Variants in ZNF101 observed in about 807,000 individuals in gnomAD.
The protein encoded by ZNF101 is zinc finger protein 101, also known as zinc finger protein 101 (Y2).
ZNF101 carries 34 observed loss-of-function variants against 42.6 expected under a neutral mutation model. That is an observed-to-expected ratio of 0.80 (90% CI 0.61 to 1.06). The LOEUF (loss-of-function observed/expected upper bound fraction) is 1.06, where lower values mean the gene tolerates loss of function less well. ZNF101 is among the 50% of genes least tolerant of loss of function. The pLI, the probability that ZNF101 is intolerant of heterozygous loss-of-function variation, is 0.00. For missense variants in ZNF101, 466 were observed against 530.9 expected (o/e 0.88, Z 1.20); for synonymous variants, 158 against 183.9 (o/e 0.86, Z 1.14).
Position 19,677,756 on chromosome 19 carries a change from GGAGT to G in ZNF101, c.4-102_4-99del. ...AGGAGGAGGCCGATGACTCAATCAT[GGAGT>G]GAGTGTTTGGAGAGCCCGGCGTCAT... On this transcript the variant is annotated intron_variant, in intron 1 of 3. Transcript: ENST00000592502. 6.8e-6 allele frequency: 10 copies of G among 1,473,198 alleles called. 1 individual carries two copies. In the South Asian group the frequency reaches 7.5e-5, roughly 11 times the overall value. 91.3% of individuals were successfully genotyped at this position (1,473,198 alleles called of 1,614,324 possible).
chr19:19,674,423 G>A (rs1372407718), intron 1 of ZNF101, among the ~76,000 whole-genome samples: 2 of 152,074 alleles, frequency 1.3e-5, no homozygotes, highest in Non-Finnish European at 2.9e-5. Context: ...TGATCTACTC[G>A]CCTCGACCTC....
upstream of ZNF101, chr19:19,668,833 C>T (rs1323909607): frequency 5.8e-6 from 7 of 1,199,298 alleles, no homozygotes; most frequent in Admixed American, 5.5e-5. Context: ...TTCCCGCCGG[C>T]CCCCCATTCG....
Position 19,679,473 on chromosome 19 carries a change from A to C in ZNF101, c.484A>C (p.Thr162Pro), listed in dbSNP as rs758150904. Residue 162 changes from threonine to proline, a missense_variant, in exon 4 of 4, where the codon ACA (threonine) becomes CCA (proline). Physicochemically the swap from Thr to Pro is conservative, Grantham distance 38. Transcript: ENST00000592502. ...CAGTAGTGGTGCACGGCGCACAGTAACACCAACTCGAAAGAGACCTTATGA... is the reference window on the plus strand; with the variant it reads ...CAGTAGTGGTGCACGGCGCACAGTACCACCAACTCGAAAGAGACCTTATGA... ...SPSSGARRTV[T>P]PTRKRPYECK... 6.2e-7 allele frequency: 1 copy of C among 1,614,168 alleles called. No homozygotes were observed. The highest frequency in any genetic ancestry group is 1.1e-5 in the South Asian group (1 of 91,090).
chr19:19,673,600 T>C (rs1347432191), intron 1 of ZNF101, among the ~76,000 whole-genome samples: 1 of 152,004 alleles, frequency 6.6e-6, no homozygotes, highest in East Asian at 1.9e-4. Context: ...TCAATTTGTC[T>C]TTAATTTCAT....
chr19:19,677,880 A>C lies in ZNF101; in HGVS notation c.20A>C (p.Glu7Ala). 1.2e-6 allele frequency: 2 copies of C among 1,611,762 alleles called. No homozygotes were observed. Among genetic ancestry groups the C allele is most frequent in the Middle Eastern group, 1.7e-4 (1 of 6,050 alleles). MDSVAF[E>A]DVAVNFTQEE... is the part of the protein sequence containing the mutation. Reference sequence around the variant, plus strand: ...ATGTTTCAGGACTCAGTGGCCTTTGAGGATGTGGCTGTGAACTTCACCCAG... The same window carrying C: ...ATGTTTCAGGACTCAGTGGCCTTTGCGGATGTGGCTGTGAACTTCACCCAG... The change falls in exon 2 of 4, where the codon GAG (glutamate) becomes GCG (alanine). Residue 7 changes from glutamate (E) to alanine (A), a missense_variant. Coordinates refer to ENST00000592502, the MANE Select transcript of ZNF101 (RefSeq NM_033204.4).
At chr19:19,676,383 C>T (rs2062203105) in intron 1 of ZNF101, 1 of 152,004 alleles carries the variant, frequency 6.6e-6, no homozygotes, top group African/African-American at 2.4e-5. Context: ...TACATGCCTG[C>T]TCTGTTATTA....
intron 1 of ZNF101, among the ~76,000 whole-genome samples, chr19:19,674,665 A>C (rs112683845): frequency 3.3e-5 from 5 of 152,154 alleles, no homozygotes; most frequent in African/African-American, 1.2e-4. Context: ...TGTCAGCATA[A>C]TTTTGACCTC....
chr19:19,677,989 C>T lies in ZNF101; in HGVS notation c.129C>T (p.Val43=), dbSNP rs772913480. 34 of 1,609,398 alleles carry T rather than the reference C, an allele frequency of 2.1e-5. No homozygotes were observed. Among genetic ancestry groups the T allele is most frequent in the Middle Eastern group, 3.3e-4 (2 of 6,062 alleles). ...AAACCTTCAGGAACCTGGCCTCGGT[C>T]GGTAAGAAGGACATTTCCTTCCTTA... ...TLETFRNLAS[V]GIQWKDQDIE... Residue 43 remains valine (V), a splice_region_variant and synonymous_variant, in exon 2 of 4, where the codon GTC becomes GTT. Coordinates refer to ENST00000592502, the MANE Select transcript of ZNF101 (RefSeq NM_033204.4).
intron 1 of ZNF101, among the ~76,000 whole-genome samples, chr19:19,672,716 G>A (rs1349030641): frequency 1.3e-5 from 2 of 151,912 alleles, no homozygotes; most frequent in Non-Finnish European, 2.9e-5. Context: ...TAGTAGACAC[G>A]GGGTTTCAAC....
Position 19,680,125 on chromosome 19 carries a change from G to A in ZNF101, c.1136G>A (p.Ser379Asn). ...TRCGKAFGWC[S>N]SLRRHEMTHT... Reference sequence around the variant, plus strand: ...TGTGGTAAAGCCTTTGGGTGGTGCAGTTCCCTCCGAAGACATGAAATGACT... The same window carrying A: ...TGTGGTAAAGCCTTTGGGTGGTGCAATTCCCTCCGAAGACATGAAATGACT... The change falls in exon 4 of 4, where the codon AGT (serine) becomes AAT (asparagine). Residue 379 changes from serine to asparagine, a missense_variant. Ser to Asn is a conservative substitution (Grantham distance 46). Coordinates refer to ENST00000592502, the MANE Select transcript of ZNF101 (RefSeq NM_033204.4). 1 of 1,614,028 alleles carries A rather than the reference G, an allele frequency of 6.2e-7. No homozygotes were observed. Among genetic ancestry groups the A allele is most frequent in the Non-Finnish European group, 8.5e-7 (1 of 1,179,986 alleles).
rs985070640 is a variant in ZNF101, at chr19:19,682,280, C to T, written c.*1980C>T. 2.6e-5 allele frequency: 4 copies of T among 151,580 alleles called. No individual in the cohort carries two copies. The highest frequency in any genetic ancestry group is 3.9e-4 in the East Asian group (2 of 5,166). The allele number at this position is 151,580 out of a possible 1,614,324, so 9.4% of individuals were successfully genotyped here. ...TGTTGCCCAGGCTAGAGTGCAGTGGCGCGATCTTGACTCACTGTAACCTCT... is the reference window on the plus strand; with the variant it reads ...TGTTGCCCAGGCTAGAGTGCAGTGGTGCGATCTTGACTCACTGTAACCTCT... On this transcript the variant is annotated 3_prime_UTR_variant, in exon 4 of 4. Coordinates refer to ENST00000592502, the MANE Select transcript of ZNF101 (RefSeq NM_033204.4).
intron 1 of ZNF101, among the ~76,000 whole-genome samples, chr19:19,672,738 G>A (rs991416448): frequency 6.6e-6 from 1 of 151,814 alleles, no homozygotes. Flanking sequence ...TGTTGGCTAG[G>A]CCAGTCTGAA....
At chr19:19,672,868 C>A (rs968501966) in intron 1 of ZNF101, among the ~76,000 whole-genome samples, 148 of 152,132 alleles carry the variant, frequency 9.7e-4, no homozygotes, top group South Asian at 1.2e-3. Flanking sequence ...ACAAAAAAAA[C>A]CAGACATGGG....
chr19:19,668,437 C>A (rs1221076467), upstream of ZNF101, among the ~76,000 whole-genome samples: 1 of 151,988 alleles, frequency 6.6e-6, no homozygotes, highest in Non-Finnish European at 1.5e-5. Flanking sequence ...CAGCTGAAGT[C>A]TTTTGAACAA....
intron 1 of ZNF101, among the ~76,000 whole-genome samples, chr19:19,673,806 T>G (rs1274859452): frequency 6.6e-6 from 1 of 150,866 alleles, no homozygotes; most frequent in East Asian, 1.9e-4. Context: ...TTATTATTAT[T>G]ATTTTGAGAT....
chr19:19,668,424 G>A (rs2062145532), upstream of ZNF101, among the ~76,000 whole-genome samples: 1 of 152,028 alleles, frequency 6.6e-6, no homozygotes, highest in Non-Finnish European at 1.5e-5. Flanking sequence ...CTGTCTGCCG[G>A]TTCAGCTGAA....
chr19:19,673,457 C>A (rs904043825), intron 1 of ZNF101, among the ~76,000 whole-genome samples: 3 of 151,686 alleles, frequency 2.0e-5, no homozygotes, highest in Non-Finnish European at 4.4e-5. Flanking sequence ...ATCATGTTAG[C>A]CAGGCTGGTC....
At chr19:19,671,513 T>G (rs1334422020) in intron 1 of ZNF101, among the ~76,000 whole-genome samples, 1 of 151,736 alleles carries the variant, frequency 6.6e-6, no homozygotes, top group Non-Finnish European at 1.5e-5. Context: ...TTTTTTTTTT[T>G]TTTTGAGACA....
chr19:19,680,347 T>G lies in ZNF101; in HGVS notation c.*47T>G. On this transcript the variant is annotated 3_prime_UTR_variant, in exon 4 of 4. Coordinates refer to ENST00000592502, the MANE Select transcript of ZNF101 (RefSeq NM_033204.4). ...AAGGCCCCATATCGGCTGGGTACGG[T>G]GGCTCACGCTTGTAATCCCAGCACT... 1.5e-5 allele frequency: 17 copies of G among 1,109,416 alleles called. No homozygotes were observed. Among genetic ancestry groups the G allele is most frequent in the Non-Finnish European group, 2.1e-5 (17 of 810,686 alleles). The allele number at this position is 1,109,416 out of a possible 1,614,324, so 68.7% of individuals were successfully genotyped here.
Sources: allele counts gnomAD v4.1 joint callset (sites outside exome capture counted in the v4.1 genomes callset), GRCh38; gene constraint gnomAD v4.1.1; transcripts MANE v1.5; gene names NCBI Gene and HGNC (gene_info 2026-07-23, HGNC 2026-07-21).